IL31RA: variants seen among roughly 807,000 people sequenced by gnomAD.
IL31RA encodes interleukin-31 receptor subunit alpha.
IL31RA carries 66 observed loss-of-function variants against 83.7 expected under a neutral mutation model. That is an observed-to-expected ratio of 0.79 (90% confidence interval 0.65 to 0.97). The LOEUF (loss-of-function observed/expected upper bound fraction) is 0.97, where lower values mean the gene tolerates loss of function less well. Ranked by LOEUF, IL31RA falls within the 50% of genes least tolerant of loss-of-function variation. The pLI, the probability that IL31RA is intolerant of heterozygous loss-of-function variation, is 0.00. For synonymous variants in IL31RA, 325 were observed against 329.0 expected, an observed-to-expected ratio of 0.99 and a Z score of 0.13; for missense variants, 798 against 919.4, an observed-to-expected ratio of 0.87 and a Z score of 1.71.
chr5:55,898,762 G>A (rs1748619775), intron 7 of IL31RA, among the ~76,000 whole-genome samples: 1 of 151,946 alleles, frequency 6.6e-6, no homozygotes, highest in African/African-American at 2.4e-5. Flanking sequence ...CGTGGACTGG[G>A]CCGGTAATCC....
chr5:55,874,855 G>A (rs896255674), intron 4 of IL31RA, among the ~76,000 whole-genome samples: 3 of 152,044 alleles, frequency 2.0e-5, no homozygotes, highest in Non-Finnish European at 4.4e-5. Context: ...ATCTGGATAC[G>A]TTTTATTTTT....
chr5:55,870,670 C>G (rs1746455263), intron 3 of IL31RA, among the ~76,000 whole-genome samples: 1 of 152,110 alleles, frequency 6.6e-6, no homozygotes, highest in Non-Finnish European at 1.5e-5. Flanking sequence ...CTCAGGCCAG[C>G]TAGGCTGTCT....
At chr5:55,854,906 C>T (rs1017839378) in intron 1 of IL31RA, among the ~76,000 whole-genome samples, 46 of 152,116 alleles carry the variant, frequency 3.0e-4, no homozygotes, top group African/African-American at 1.1e-3. Context: ...ATTATTACTG[C>T]GACTATTATC....
chr5:55,911,135 C>T (rs925488871), intron 12 of IL31RA, among the ~76,000 whole-genome samples: 3 of 152,172 alleles, frequency 2.0e-5, no homozygotes, highest in African/African-American at 4.8e-5. Context: ...CACAGTTCCA[C>T]GTGGCTGGGG....
chr5:55,851,340 T>C (rs1200314570), upstream of IL31RA: 1 of 631,836 alleles, frequency 1.6e-6, no homozygotes, highest in Non-Finnish European at 2.7e-6. Flanking sequence ...TTAACACACA[T>C]ATTTTCTCCA....
At chr5:55,913,667 A>G in intron 13 of IL31RA, 97 bp downstream of exon 13, 1 of 792,040 alleles carries the variant, frequency 1.3e-6, no homozygotes, top group Admixed American at 1.8e-5. Flanking sequence ...CTCTACCATT[A>G]AGGGGTGTTC....
intron 5 of IL31RA, among the ~76,000 whole-genome samples, chr5:55,887,911 G>A (rs567484854): frequency 4.0e-5 from 6 of 151,634 alleles, no homozygotes; most frequent in African/African-American, 1.2e-4. Context: ...TTAGCCCGGC[G>A]TGGTGGTGCG....
intron 5 of IL31RA, among the ~76,000 whole-genome samples, chr5:55,885,429 G>A (rs1239036590): frequency 6.6e-6 from 1 of 152,140 alleles, no homozygotes; most frequent in African/African-American, 2.4e-5. Flanking sequence ...AAGCGAGATG[G>A]GCTCCTGCTA....
rs532600030 is a variant in IL31RA at position 55,853,054 on chromosome 5, A to G, written c.63+1421A>G. Among the ~76,000 whole-genome samples, 15 of 152,344 alleles carry G rather than the reference A, an allele frequency of 9.8e-5. No individual in the cohort carries two copies. The South Asian group carries it at 3.1e-3, about 32-fold the overall frequency. ...GTTCAGTATGTTTTCCTTTAGACGT[A>G]AATAAGAATTTGTAAGCCTCTTTTT... On this transcript the variant is annotated intron_variant, in intron 1 of 14. Coordinates refer to ENST00000652347, the MANE Select transcript of IL31RA (RefSeq NM_139017.7).
chr5:55,868,014 C>T (rs1197592787), intron 2 of IL31RA, among the ~76,000 whole-genome samples: 1 of 151,720 alleles, frequency 6.6e-6, no homozygotes, highest in African/African-American at 2.4e-5. Context: ...CCTGCAGCAA[C>T]GAAAATATAA....
intron 2 of IL31RA, 117 bp downstream of exon 2, chr5:55,859,716 C>T (rs1455144707): frequency 1.0e-5 from 8 of 774,390 alleles, no homozygotes; most frequent in Non-Finnish European, 1.6e-5. Flanking sequence ...GAAAAGGGGA[C>T]TTGTGAACAC....
At chr5:55,890,165 T>C (rs749842385) in intron 6 of IL31RA, 30 bp downstream of exon 6, 2 of 1,610,090 alleles carry the variant, frequency 1.2e-6, no homozygotes, top group Non-Finnish European at 1.7e-6. Flanking sequence ...TCCCGTCCTG[T>C]CTGCTCTGGT....
rs1750147642 is a variant in IL31RA at position 55,922,661 on chromosome 5, A to T, written c.*5541A>T. On this transcript the variant is annotated 3_prime_UTR_variant, in exon 15 of 15. Transcript: ENST00000652347. ...GTGAAAACATGGTTATGGTAATAGG[A>T]ACAGCTTTTAAAATGCTTTTGTATT... The T allele has an allele frequency of 2.0e-6, 1 of 508,292 alleles. No homozygotes were observed. Among genetic ancestry groups the T allele is most frequent in the Admixed American group, 3.5e-5 (1 of 28,302 alleles). The allele number at this position is 508,292 out of a possible 1,614,324, so 31.5% of individuals were successfully genotyped here.
chr5:55,891,900 C>T (rs58305521), intron 6 of IL31RA, among the ~76,000 whole-genome samples: 7,406 of 151,106 alleles, frequency 0.049, 345 homozygotes, highest in African/African-American at 0.13. Context: ...CTCAGCCTCC[C>T]GAGTTGCTGG....
In IL31RA at chr5:55,918,568, C is replaced by T. The variant is rs1016773189; in HGVS notation, c.*1448C>T. On this transcript the variant is annotated 3_prime_UTR_variant, in exon 15 of 15. Transcript: ENST00000652347. Reference sequence around the variant, plus strand: ...TCTGAGTGCCGAGGATGTTCAATGGCGCAGCGTGCATGGGGCAGAGTTGGT... The same window carrying T: ...TCTGAGTGCCGAGGATGTTCAATGGTGCAGCGTGCATGGGGCAGAGTTGGT... Among the ~76,000 whole-genome samples the T allele has an allele frequency of 1.3e-5, 2 of 152,184 alleles. No homozygotes were observed. Among genetic ancestry groups the T allele is most frequent in the South Asian group, 2.1e-4 (1 of 4,802 alleles).
chr5:55,898,287 C>T (rs57083241), intron 7 of IL31RA, among the ~76,000 whole-genome samples: 34,498 of 151,604 alleles, frequency 0.23, 4,189 homozygotes, highest in Middle Eastern at 0.29. Flanking sequence ...TCCTCCCCGT[C>T]GCCTGTTGGG....
At chr5:55,844,613 C>T in the IL31RA span, among the ~76,000 whole-genome samples, 1 of 152,058 alleles carries the variant, frequency 6.6e-6, no homozygotes, top group South Asian at 2.1e-4. Flanking sequence ...ATTTATCTCA[C>T]TTGGTGTTCT....
intron 3 of IL31RA, among the ~76,000 whole-genome samples, chr5:55,871,837 C>A (rs1040856499): frequency 6.6e-6 from 1 of 151,854 alleles, no homozygotes; most frequent in Non-Finnish European, 1.5e-5. Flanking sequence ...CACTTACATT[C>A]TATTTATGTA....
At chr5:55,895,305 C>T (rs543783602) in intron 6 of IL31RA, among the ~76,000 whole-genome samples, 6 of 152,292 alleles carry the variant, frequency 3.9e-5, no homozygotes, top group East Asian at 1.9e-4. Context: ...GTGGGTGGGT[C>T]GTTCTCTAAT....
Sources: allele counts gnomAD v4.1 joint callset (sites outside exome capture counted in the v4.1 genomes callset), GRCh38; gene constraint gnomAD v4.1.1; transcripts MANE v1.5; gene names NCBI Gene and HGNC (gene_info 2026-07-23, HGNC 2026-07-21).